Variants in EPS15 observed in about 807,000 individuals in gnomAD.
EPS15 encodes the protein epidermal growth factor receptor pathway substrate 15.
Under a neutral mutation model 113.8 loss-of-function variants are expected in EPS15, and 72 were observed. That is an observed-to-expected ratio of 0.63 (90% CI 0.52 to 0.77). The LOEUF (loss-of-function observed/expected upper bound fraction) is 0.77, where lower values mean the gene tolerates loss of function less well. Among genes scored for constraint, EPS15 ranks in the 30% least tolerant of loss-of-function variants. The pLI is 0.00. For synonymous variants in EPS15, 344 were observed against 363.4 expected, an observed-to-expected ratio of 0.95 and a Z score of 0.61; for missense variants, 1,048 against 1,045.8, an observed-to-expected ratio of 1.00 and a Z score of -0.03.
At chr1:51,396,352 GT>G (rs957272930) in intron 20 of EPS15, among the ~76,000 whole-genome samples, 1 of 151,734 alleles carries the variant, frequency 6.6e-6, no homozygotes, top group African/African-American at 2.4e-5. Flanking sequence ...TGGATGTTGG[GT>G]TTTTTTTCAG....
intron 8 of EPS15, among the ~76,000 whole-genome samples, chr1:51,456,257 T>A (rs937883203): frequency 3.3e-5 from 5 of 152,220 alleles, no homozygotes; most frequent in African/African-American, 1.2e-4. Context: ...AGTTACTCTT[T>A]TAAAAAATCT....
At chr1:51,516,574 G>C (rs115127489) in intron 1 of EPS15, among the ~76,000 whole-genome samples, 4,821 of 152,238 alleles carry the variant, frequency 0.032, 124 homozygotes, top group Non-Finnish European at 0.05. Flanking sequence ...GGGAGTTGAA[G>C]GGTTGGTTGG....
chr1:51,505,348 C>CAA (rs1644480810), intron 1 of EPS15, among the ~76,000 whole-genome samples: 1 of 151,570 alleles, frequency 6.6e-6, no homozygotes, highest in South Asian at 2.1e-4. Context: ...ATTTTTCAAC[C>CAA]AAAAAAAGGA....
Position 51,405,887 on chromosome 1 carries a change from T to C in EPS15, c.1677+18A>G, listed in dbSNP as rs745711952. The C allele has an allele frequency of 1.1e-5, 18 of 1,605,958 alleles. No individual in the cohort carries two copies. In the South Asian group the frequency reaches 1.3e-4, roughly 12 times the overall value. On this transcript the variant is annotated intron_variant, in intron 16 of 24. Coordinates refer to ENST00000371733, the MANE Select transcript of EPS15 (RefSeq NM_001981.3). ...ACAAGGAGGTTGATTATGAAGGTTA[T>C]GAAAGTATTAGACTCACTGGAGATT...
chr1:51,384,654 A>G (rs771086358), intron 21 of EPS15, among the ~76,000 whole-genome samples: 2 of 152,178 alleles, frequency 1.3e-5, no homozygotes, highest in Admixed American at 6.6e-5. Flanking sequence ...AGTCTTAAAA[A>G]GGAACAACAA....
At chr1:51,492,195 A>G (rs1022086461) in intron 1 of EPS15, among the ~76,000 whole-genome samples, 15 of 152,112 alleles carry the variant, frequency 9.9e-5, no homozygotes, top group African/African-American at 3.4e-4. Context: ...TTCTAGGTAC[A>G]AGACAATAGG....
At chr1:51,415,523 G>A (rs951721681) in intron 13 of EPS15, among the ~76,000 whole-genome samples, 4 of 151,998 alleles carry the variant, frequency 2.6e-5, no homozygotes, top group African/African-American at 4.8e-5. Flanking sequence ...TGGGCCAGGC[G>A]TGGTGGCTCA....
At chr1:51,506,668 T>C (rs951593813) in intron 1 of EPS15, among the ~76,000 whole-genome samples, 1 of 151,786 alleles carries the variant, frequency 6.6e-6, no homozygotes, top group African/African-American at 2.4e-5. Flanking sequence ...CCAGGACATT[T>C]CAAGCAAGTA....
At chr1:51,388,652 C>T (rs1647163330) in intron 21 of EPS15, among the ~76,000 whole-genome samples, 2 of 152,246 alleles carry the variant, frequency 1.3e-5, no homozygotes, top group South Asian at 4.1e-4. Context: ...ACCGATCCCA[C>T]AGAAATACAA....
In EPS15 at chr1:51,366,535, T is replaced by C. The variant is rs368024072; in HGVS notation, c.2120-506A>G. Among the ~76,000 whole-genome samples the C allele has an allele frequency of 3.9e-5, 6 of 152,296 alleles. No individual in the cohort carries two copies. In the South Asian group the frequency reaches 1.2e-3, roughly 32 times the overall value. ...TTGTATAAATCAACTGATGAATGAT[T>C]TATAGGTAAAGTAATAGCAAATAAA... On this transcript the variant is annotated intron_variant, in intron 21 of 24. Transcript: ENST00000371733.
At chr1:51,515,718 A>G (rs1289239740) in intron 1 of EPS15, among the ~76,000 whole-genome samples, 6 of 152,248 alleles carry the variant, frequency 3.9e-5, no homozygotes, top group Admixed American at 3.9e-4. Flanking sequence ...AGACAATGGC[A>G]TATGCCGAAA....
intron 16 of EPS15, among the ~76,000 whole-genome samples, chr1:51,404,708 T>C (rs2148422907): frequency 6.6e-6 from 1 of 152,358 alleles, no homozygotes; most frequent in Non-Finnish European, 1.5e-5. Context: ...AAGATGAATC[T>C]AAATTTCTCA....
chr1:51,372,282 C>T, intron 21 of EPS15: 10 of 499,982 alleles, frequency 2.0e-5, no homozygotes, highest in South Asian at 1.5e-4. Context: ...GCTGGCAGTG[C>T]AGAAGGCAGT....
chr1:51,448,965 A>ATTAC lies in EPS15; in HGVS notation c.562-834_562-831dup, dbSNP rs567837552. Among the ~76,000 whole-genome samples the ATTAC allele has an allele frequency of 2.8e-4, 42 of 152,324 alleles. No homozygotes were observed. In the East Asian group the frequency reaches 4.6e-3, roughly 17 times the overall value. ...TCAGCCTAGAGGTGTCGCCAGAAGA[A>ATTAC]TTACATAACAAACTTAATGCTGCTG... On this transcript the variant is annotated intron_variant, in intron 8 of 24. Transcript: ENST00000371733.
At chr1:51,369,230 T>A (rs1646585089) in intron 21 of EPS15, among the ~76,000 whole-genome samples, 1 of 152,230 alleles carries the variant, frequency 6.6e-6, no homozygotes, top group Admixed American at 6.5e-5. Flanking sequence ...AGCACTAGTC[T>A]AAACACTGCA....
intron 9 of EPS15, among the ~76,000 whole-genome samples, chr1:51,447,488 C>T (rs1467468265): frequency 1.3e-5 from 2 of 152,016 alleles, no homozygotes; most frequent in Non-Finnish European, 2.9e-5. Context: ...TTAACCATAG[C>T]CAAACTGGCT....
intron 19 of EPS15, among the ~76,000 whole-genome samples, 185 bp downstream of exon 19, chr1:51,400,733 A>G (rs76946509): frequency 1.2e-4 from 18 of 147,762 alleles, no homozygotes; most frequent in East Asian, 1.9e-4. Flanking sequence ...AAAAAAAAAA[A>G]AAGAAGAAGT....
Position 51,359,940 on chromosome 1 carries a change from T to C in EPS15, c.2544+1231A>G, listed in dbSNP as rs138596985. 2.6e-5 allele frequency among the ~76,000 whole-genome samples: 4 copies of C among 152,012 alleles called. No individual in the cohort carries two copies. The East Asian group carries it at 7.7e-4, about 29-fold the overall frequency. On this transcript the variant is annotated intron_variant, in intron 24 of 24. Transcript: ENST00000371733. ...TTTTTGGAGACAGGGTCTGGCTCTG[T>C]CACCCAGGCTGAAGTACAGTGGCAT...
Position 51,354,741 on chromosome 1 carries a change from C to T in EPS15, c.*1959G>A, listed in dbSNP as rs12130. The stretch of plus-strand genomic sequence containing the variant: ...CATACTTTAATATTATGTTGGTCCA[C>T]GGGGTATACACATTTTAACAAAAGA... On this transcript the variant is annotated 3_prime_UTR_variant, in exon 25 of 25. Transcript: ENST00000371733. The T allele has an allele frequency of 2.7e-4, 50 of 187,124 alleles. No individual in the cohort carries two copies. Among genetic ancestry groups the T allele is most frequent in the African/African-American group, 8.4e-4 (36 of 42,682 alleles). 11.6% of individuals were successfully genotyped at this position (187,124 alleles called of 1,614,324 possible).
Sources: allele counts gnomAD v4.1 joint callset (sites outside exome capture counted in the v4.1 genomes callset), GRCh38; gene constraint gnomAD v4.1.1; transcripts MANE v1.5; gene names NCBI Gene and HGNC (gene_info 2026-07-23, HGNC 2026-07-21).